The following EPB41L3 variants were observed in gnomAD, a reference collection of about 807,000 sequenced individuals.
EPB41L3 encodes the protein band 4.1-like protein 3.
Under a neutral mutation model 127.1 loss-of-function variants are expected in EPB41L3, and 57 were observed. The observed-to-expected ratio is 0.45, with a 90% confidence interval of 0.36 to 0.56. The LOEUF (loss-of-function observed/expected upper bound fraction) is 0.56. EPB41L3 is among the 20% of genes least tolerant of loss of function. The probability of loss-of-function intolerance (pLI) is 0.00; values close to 1 mark genes in which losing one functional copy is unlikely to be tolerated. For missense variants in EPB41L3, 1,273 were observed against 1,372.2 expected (o/e 0.93, Z 1.14); for synonymous variants, 572 against 549.5 (o/e 1.04, Z -0.57).
intron 1 of EPB41L3, among the ~76,000 whole-genome samples, chr18:5,499,067 A>G (rs1200292015): frequency 1.3e-5 from 2 of 152,108 alleles, no homozygotes; most frequent in Non-Finnish European, 2.9e-5. Flanking sequence ...TTAGTTAAAC[A>G]GGGATGACGC....
chr18:5,426,700 C>A (rs1023228798), intron 9 of EPB41L3, among the ~76,000 whole-genome samples: 3 of 152,264 alleles, frequency 2.0e-5, no homozygotes, highest in African/African-American at 7.2e-5. Flanking sequence ...TTGCATCATG[C>A]TGTTACAATC....
intron 16 of EPB41L3, chr18:5,398,416 G>A: frequency 2.1e-6 from 1 of 468,494 alleles, no homozygotes; most frequent in South Asian, 5.1e-5. Context: ...AGCCACAGCA[G>A]CACTATCACA....
At chr18:5,524,976 C>T (rs1467764827) in intron 1 of EPB41L3, among the ~76,000 whole-genome samples, 1 of 152,186 alleles carries the variant, frequency 6.6e-6, no homozygotes, top group African/African-American at 2.4e-5. Context: ...ATAAAAGCTC[C>T]CACTGTGAGC....
intron 3 of EPB41L3, among the ~76,000 whole-genome samples, chr18:5,590,162 C>T (rs117176914): frequency 0.02 from 3,113 of 152,224 alleles, 42 homozygotes; most frequent in Admixed American, 0.028. Flanking sequence ...TCATCTCTTT[C>T]CCCATCCCCT....
chr18:5,610,832 T>C (rs1056754310), intron 3 of EPB41L3, among the ~76,000 whole-genome samples: 1 of 152,162 alleles, frequency 6.6e-6, no homozygotes, highest in Non-Finnish European at 1.5e-5. Context: ...CCAGGAAAAA[T>C]AATTAACATG....
At chr18:5,566,291 A>G (rs1033259206) in intron 3 of EPB41L3, among the ~76,000 whole-genome samples, 16 of 152,220 alleles carry the variant, frequency 1.1e-4, no homozygotes, top group Non-Finnish European at 2.4e-4. Flanking sequence ...ATCAATGTGC[A>G]AAAATCACAA....
intron 1 of EPB41L3, among the ~76,000 whole-genome samples, chr18:5,505,077 C>T (rs1013615615): frequency 1.3e-5 from 2 of 152,154 alleles, no homozygotes; most frequent in African/African-American, 2.4e-5. Flanking sequence ...CCAGTGCAGG[C>T]ATATGTATCC....
At chr18:5,598,168 T>G (rs1036826762) in intron 3 of EPB41L3, among the ~76,000 whole-genome samples, 1 of 152,144 alleles carries the variant, frequency 6.6e-6, no homozygotes, top group Non-Finnish European at 1.5e-5. Flanking sequence ...GTCAAAGAAT[T>G]GCCCGAAAAG....
Position 5,499,829 on chromosome 18 carries a change from G to GTGTATATATATA in EPB41L3, c.-11-10636_-11-10635insTATATATATACA, listed in dbSNP as rs563662904. On this transcript the variant is annotated intron_variant, in intron 1 of 22. Coordinates refer to ENST00000341928, the MANE Select transcript of EPB41L3 (RefSeq NM_012307.5). ...CCTACTACATACTTACTATGTGTGT[G>GTGTATATATATA]TATATATATATATATATATGGCATT... Among the ~76,000 whole-genome samples the GTGTATATATATA allele has an allele frequency of 6.7e-3, 837 of 124,620 alleles. 19 individuals carry two copies. The highest frequency in any genetic ancestry group is 0.025 in the African/African-American group (792 of 32,168). 81.8% of individuals were successfully genotyped at this position (124,620 alleles called of 152,430 possible).
chr18:5,545,595 C>T (rs570871069), upstream of EPB41L3, among the ~76,000 whole-genome samples: 1 of 152,230 alleles, frequency 6.6e-6, no homozygotes, highest in African/African-American at 2.4e-5. Context: ...AAATTTTGAG[C>T]AAGAAAGTGT....
chr18:5,535,191 AC>A (rs1323393363), intron 1 of EPB41L3, among the ~76,000 whole-genome samples: 6 of 151,594 alleles, frequency 4.0e-5, no homozygotes, highest in Admixed American at 2.0e-4. Flanking sequence ...ATCCCCCACA[AC>A]CCCCGTCCAT....
intron 1 of EPB41L3, among the ~76,000 whole-genome samples, chr18:5,528,045 T>C (rs888851743): frequency 1.3e-5 from 2 of 151,974 alleles, no homozygotes; most frequent in South Asian, 2.1e-4. Flanking sequence ...CTAGAAATAG[T>C]GATGTGGGAA....
At chr18:5,425,138 G>C (rs1243910288) in intron 9 of EPB41L3, among the ~76,000 whole-genome samples, 1 of 152,040 alleles carries the variant, frequency 6.6e-6, no homozygotes, top group Non-Finnish European at 1.5e-5. Flanking sequence ...AACAGTAAAG[G>C]CTTCCCCAAA....
At chr18:5,612,927 G>A (rs949369472) in intron 2 of EPB41L3, among the ~76,000 whole-genome samples, 6 of 152,154 alleles carry the variant, frequency 3.9e-5, no homozygotes, top group Non-Finnish European at 7.3e-5. Context: ...TTTTAGTAGA[G>A]ACGAGGTTTC....
At chr18:5,556,736 C>G (rs534715052) in intron 3 of EPB41L3, among the ~76,000 whole-genome samples, 1 of 152,142 alleles carries the variant, frequency 6.6e-6, no homozygotes, top group African/African-American at 2.4e-5. Flanking sequence ...ACAGACCTGC[C>G]CTCTGCCCCG....
chr18:5,418,638 C>T (rs2144920913), intron 12 of EPB41L3, among the ~76,000 whole-genome samples: 1 of 152,268 alleles, frequency 6.6e-6, no homozygotes, highest in East Asian at 1.9e-4. Context: ...TTATTTCCTA[C>T]TCTCTGCTTA....
chr18:5,428,879 A>T (rs1387398863), intron 8 of EPB41L3, among the ~76,000 whole-genome samples: 2 of 152,230 alleles, frequency 1.3e-5, no homozygotes, highest in Admixed American at 6.5e-5. Flanking sequence ...TTTACAGATG[A>T]GAAAATAGGT....
At chr18:5,431,076 A>G (rs1285542501) in intron 8 of EPB41L3, 1 of 152,164 alleles carries the variant, frequency 6.6e-6, no homozygotes, top group African/African-American at 2.4e-5. Flanking sequence ...ATATGGACTT[A>G]TATCTACATT....
chr18:5,459,981 G>A (rs1274329261), intron 3 of EPB41L3, among the ~76,000 whole-genome samples: 2 of 152,080 alleles, frequency 1.3e-5, no homozygotes, highest in Non-Finnish European at 2.9e-5. Flanking sequence ...TGAGGTTTGG[G>A]GTACAGTTGA....
Sources: allele counts gnomAD v4.1 joint callset (sites outside exome capture counted in the v4.1 genomes callset), GRCh38; gene constraint gnomAD v4.1.1; transcripts MANE v1.5; gene names NCBI Gene and HGNC (gene_info 2026-07-23, HGNC 2026-07-21).